The following SPHKAP variants were observed in gnomAD, a reference collection of about 807,000 sequenced individuals.
The protein encoded by SPHKAP is A-kinase anchor protein SPHKAP.
A neutral mutation model predicts 137.5 loss-of-function variants in SPHKAP; 67 were observed. The observed-to-expected ratio is 0.49, with a 90% CI of 0.40 to 0.60. SPHKAP has a LOEUF of 0.60. Ranked by LOEUF, SPHKAP falls within the 20% of genes least tolerant of loss-of-function variation. The pLI, the probability that SPHKAP is intolerant of heterozygous loss-of-function variation, is 0.00. For synonymous variants in SPHKAP, 813 were observed against 785.3 expected (o/e 1.04, Z -0.59); for missense variants, 2,097 against 2,069.3 (o/e 1.01, Z -0.26).
At chr2:227,995,431 G>T in intron 8 of SPHKAP, 78 bp downstream of exon 8, 1 of 1,548,384 alleles carries the variant, frequency 6.5e-7, no homozygotes, top group Non-Finnish European at 8.9e-7. Flanking sequence ...GGGACCCTTT[G>T]CAGAGAACCA....
At chr2:227,994,113 T>C (rs950715328) in intron 8 of SPHKAP, 3 of 982,700 alleles carry the variant, frequency 3.1e-6, no homozygotes, top group Non-Finnish European at 3.6e-6. Flanking sequence ...TCAGGGACAT[T>C]CCATAGGATT....
chr2:228,161,068 A>G (rs1437930257), intron 1 of SPHKAP, among the ~76,000 whole-genome samples: 1 of 152,222 alleles, frequency 6.6e-6, no homozygotes, highest in African/African-American at 2.4e-5. Context: ...TCACATAAAC[A>G]AGTACAAATG....
At chr2:228,134,300 G>A (rs1699367910) in intron 1 of SPHKAP, among the ~76,000 whole-genome samples, 1 of 151,892 alleles carries the variant, frequency 6.6e-6, no homozygotes, top group South Asian at 2.1e-4. Flanking sequence ...GAAGAAAGCA[G>A]GAAAAAGAAA....
intron 1 of SPHKAP, among the ~76,000 whole-genome samples, chr2:228,167,955 T>C (rs1487988484): frequency 6.6e-6 from 1 of 152,144 alleles, no homozygotes; most frequent in Non-Finnish European, 1.5e-5. Flanking sequence ...TGCTCATACA[T>C]GAATACCTTT....
In SPHKAP at chr2:228,073,444, G is replaced by A. The variant is rs150520819; in HGVS notation, c.246+35388C>T. 2.5e-3 allele frequency among the ~76,000 whole-genome samples: 387 copies of A among 152,288 alleles called. 2 individuals are homozygous for A. Among genetic ancestry groups the A allele is most frequent in the African/African-American group, 9.1e-3 (379 of 41,558 alleles). ...TACGGATATGTGCAAGTATGTGGGT[G>A]TTAGGTAGGGGATAGAAGATGGAGG... On this transcript the variant is annotated intron_variant, in intron 3 of 11. Transcript: ENST00000392056.
chr2:228,009,085 T>C (rs1235775830), intron 7 of SPHKAP, among the ~76,000 whole-genome samples: 4 of 152,212 alleles, frequency 2.6e-5, no homozygotes, highest in African/African-American at 9.7e-5. Context: ...CATGAAAATA[T>C]TGAATCTTCC....
In SPHKAP at chr2:228,016,633, C is replaced by G. The variant is rs151068684; in HGVS notation, c.4221G>C (p.Ser1407=). Residue 1407 remains serine, a synonymous_variant, in exon 7 of 12, where the codon TCG becomes TCC. Transcript: ENST00000392056. ...GGTTTATTGGTACAGGGTCCTGGCACGAGGAAGTTTCTTTTTTAGAATCTA... is the reference window on the plus strand; with the variant it reads ...GGTTTATTGGTACAGGGTCCTGGCAGGAGGAAGTTTCTTTTTTAGAATCTA... ...SPLDSKKETS[S]CQDPVPINHK... 1 of 1,613,480 alleles carries G rather than the reference C, an allele frequency of 6.2e-7. No individual in the cohort carries two copies. Among genetic ancestry groups the G allele is most frequent in the Admixed American group, 1.7e-5 (1 of 59,848 alleles).
At chr2:228,001,328 T>G (rs989152619) in intron 7 of SPHKAP, among the ~76,000 whole-genome samples, 2 of 143,674 alleles carry the variant, frequency 1.4e-5, no homozygotes, top group South Asian at 4.2e-4. Context: ...TAAATATATA[T>G]ACATATATAA....
chr2:228,154,512 C>CTCTCTCTCTCTATATATATA (rs1393941364), intron 1 of SPHKAP, among the ~76,000 whole-genome samples: 2 of 22,064 alleles, frequency 9.1e-5, no homozygotes, highest in African/African-American at 1.8e-4. Flanking sequence ...CTCTCTCTCT[C>CTCTCTCTCTCTATATATATA]TATATATATA....
chr2:227,982,051 A>ATTTTTTTTTTTT (rs3082640), intron 11 of SPHKAP, 191 bp from the exon 12 acceptor site: 1 of 860,744 alleles, frequency 1.2e-6, no homozygotes, highest in African/African-American at 1.9e-5. Flanking sequence ...CATCAAGTGA[A>ATTTTTTTTTTTT]TTTTTTTTTT....
chr2:228,121,924 T>G (rs1438573561), intron 2 of SPHKAP, among the ~76,000 whole-genome samples: 1 of 152,070 alleles, frequency 6.6e-6, no homozygotes, highest in East Asian at 1.9e-4. Flanking sequence ...ATGGATGCTA[T>G]GAGGACAGGT....
At chr2:228,052,693 G>T (rs1223123322) in intron 3 of SPHKAP, among the ~76,000 whole-genome samples, 1 of 152,220 alleles carries the variant, frequency 6.6e-6, no homozygotes, top group Non-Finnish European at 1.5e-5. Flanking sequence ...AAACATTCTA[G>T]ATATTTCTTT....
chr2:228,035,896 G>GACTT (rs1304393335), intron 3 of SPHKAP, among the ~76,000 whole-genome samples: 1 of 151,890 alleles, frequency 6.6e-6, no homozygotes, highest in Non-Finnish European at 1.5e-5. Flanking sequence ...ATGGATTAAA[G>GACTT]ACTTACATGT....
At chr2:228,026,614 G>A (rs538833716) in intron 4 of SPHKAP, among the ~76,000 whole-genome samples, 1 of 56,020 alleles carries the variant, frequency 1.8e-5, no homozygotes, top group South Asian at 6.8e-4. Flanking sequence ...ACTTGCTTTG[G>A]CCCTCCCTGC....
rs903817532 is a variant in SPHKAP, at chr2:228,131,239, T to C, written c.138+741A>G. On this transcript the variant is annotated intron_variant, in intron 2 of 11. Transcript: ENST00000392056. Reference sequence around the variant, plus strand: ...TTTACATCTATAAGAATTTTTATAATTTAATATTTTTGCAATAAATGAAAT... The same window carrying C: ...TTTACATCTATAAGAATTTTTATAACTTAATATTTTTGCAATAAATGAAAT... 34 of 951,088 alleles carry C rather than the reference T, an allele frequency of 3.6e-5. 1 individual carries two copies. Among genetic ancestry groups the C allele is most frequent in the Non-Finnish European group, 4.1e-5 (33 of 798,824 alleles). The allele number at this position is 951,088 out of a possible 1,614,324, so 58.9% of individuals were successfully genotyped here. A position where few individuals can be genotyped will look rare whatever the true frequency, so the allele number is the denominator to read the frequency against.
chr2:228,036,517 G>C (rs985333031), intron 3 of SPHKAP, among the ~76,000 whole-genome samples: 3 of 152,154 alleles, frequency 2.0e-5, no homozygotes, highest in Admixed American at 2.0e-4. Context: ...ATTTGACTCA[G>C]CCATCCCATT....
intron 1 of SPHKAP, among the ~76,000 whole-genome samples, chr2:228,154,481 A>ACTCTCTCTCTCTCT (rs371642332): frequency 2.5e-4 from 12 of 47,208 alleles, no homozygotes; most frequent in African/African-American, 9.8e-4. Context: ...TTGTAAATAA[A>ACTCTCTCTCTCTCT]CTCTCTCTCT....
chr2:228,020,734 A>G (rs1465660434), intron 6 of SPHKAP, among the ~76,000 whole-genome samples: 1 of 152,194 alleles, frequency 6.6e-6, no homozygotes, highest in Non-Finnish European at 1.5e-5. Flanking sequence ...AAATAAATAA[A>G]TAAAAATAAA....
At chr2:228,027,839 G>A (rs1250780054) in intron 3 of SPHKAP, 1 of 197,704 alleles carries the variant, frequency 5.1e-6, no homozygotes, top group Non-Finnish European at 9.1e-6. Context: ...GTTGGCACGC[G>A]CCTGTAGTCC....
Sources: gnomAD v4.1 joint callset for allele counts (sites outside exome capture counted in the v4.1 genomes callset) on GRCh38, gnomAD v4.1.1 for gene constraint, MANE v1.5 for transcripts, NCBI Gene and HGNC (gene_info 2026-07-23, HGNC 2026-07-21) for gene names.